The following SDHAF3 variants were observed in gnomAD, a reference collection of about 807,000 sequenced individuals.
The protein encoded by SDHAF3 is succinate dehydrogenase assembly factor 3, mitochondrial.
Under a neutral mutation model 11.5 loss-of-function variants are expected in SDHAF3, and 18 were observed. The observed-to-expected ratio is 1.56, with a 90% CI of 1.08 to 2.32. The LOEUF is 2.32. SDHAF3 is among the 30% of genes most tolerant of loss of function. The pLI, the probability that SDHAF3 is intolerant of heterozygous loss-of-function variation, is 0.00. For missense variants in SDHAF3, 200 were observed against 154.4 expected (o/e 1.30, Z -1.57); for synonymous variants, 72 against 59.3 (o/e 1.21, Z -0.99).
intron 1 of SDHAF3, among the ~76,000 whole-genome samples, chr7:97,174,899 A>G (rs943870983): frequency 2.6e-5 from 4 of 152,168 alleles, no homozygotes; most frequent in Admixed American, 2.6e-4. Flanking sequence ...GTAGTTTTTC[A>G]TAGTCTGAAT....
At chr7:97,161,880 G>A (rs1316038760) in intron 1 of SDHAF3, among the ~76,000 whole-genome samples, 1 of 152,158 alleles carries the variant, frequency 6.6e-6, no homozygotes, top group Non-Finnish European at 1.5e-5. Context: ...TGTGAATAGT[G>A]ATGCAGTAAA....
intron 1 of SDHAF3, among the ~76,000 whole-genome samples, chr7:97,160,924 T>C (rs945247016): frequency 4.6e-5 from 7 of 152,166 alleles, no homozygotes; most frequent in African/African-American, 1.7e-4. Context: ...TTCAGTTTCT[T>C]TGTCATCTCT....
At chr7:97,178,246 T>C (rs1253146123) in intron 1 of SDHAF3, among the ~76,000 whole-genome samples, 1 of 152,222 alleles carries the variant, frequency 6.6e-6, no homozygotes, top group Non-Finnish European at 1.5e-5. Context: ...CTTTTAAGGG[T>C]GATAAATATT....
At chr7:97,161,397 A>C (rs913201423) in intron 1 of SDHAF3, among the ~76,000 whole-genome samples, 2 of 152,214 alleles carry the variant, frequency 1.3e-5, no homozygotes, top group African/African-American at 2.4e-5. Flanking sequence ...GATTACACAA[A>C]GAATGATTAC....
At chr7:97,137,487 A>G (rs1469517604) in intron 1 of SDHAF3, among the ~76,000 whole-genome samples, 1 of 152,212 alleles carries the variant, frequency 6.6e-6, no homozygotes, top group Non-Finnish European at 1.5e-5. Context: ...GAAATTGTTC[A>G]AAATGTAGGC....
chr7:97,136,287 A>G (rs1367760493), intron 1 of SDHAF3: 6 of 481,494 alleles, frequency 1.2e-5, no homozygotes, highest in Non-Finnish European at 1.9e-5. Context: ...TACTAATTAA[A>G]AGAGTTCTTT....
At chr7:97,131,167 C>T (rs1383293252) in intron 1 of SDHAF3, among the ~76,000 whole-genome samples, 1 of 152,166 alleles carries the variant, frequency 6.6e-6, no homozygotes, top group East Asian at 1.9e-4. Context: ...AACTATTAAA[C>T]TTTTGTGCTG....
At chr7:97,164,240 T>G (rs1048474281) in intron 1 of SDHAF3, among the ~76,000 whole-genome samples, 1 of 151,252 alleles carries the variant, frequency 6.6e-6, no homozygotes, top group Non-Finnish European at 1.5e-5. Flanking sequence ...CCTCTTTTTT[T>G]TTTTGGAGAC....
At chr7:97,129,172 A>T (rs980567252) in intron 1 of SDHAF3, among the ~76,000 whole-genome samples, 11 of 152,208 alleles carry the variant, frequency 7.2e-5, no homozygotes, top group Non-Finnish European at 1.3e-4. Context: ...TTTATGAATA[A>T]AACAATAAGA....
intron 1 of SDHAF3, among the ~76,000 whole-genome samples, chr7:97,152,420 T>A (rs1357469786): frequency 1.3e-5 from 2 of 152,188 alleles, no homozygotes; most frequent in African/African-American, 4.8e-5. Context: ...GTTGAATCTG[T>A]CCTCTTGCAT....
At chr7:97,144,469 C>T (rs533529139) in intron 1 of SDHAF3, among the ~76,000 whole-genome samples, 4 of 152,284 alleles carry the variant, frequency 2.6e-5, no homozygotes, top group Non-Finnish European at 4.4e-5. Flanking sequence ...AGTCCTTGAT[C>T]CATCTTGAGT....
At chr7:97,173,703 C>A (rs1471982461) in intron 1 of SDHAF3, among the ~76,000 whole-genome samples, 1 of 151,800 alleles carries the variant, frequency 6.6e-6, no homozygotes, top group Non-Finnish European at 1.5e-5. Context: ...CAGGCGCCCA[C>A]CACCACGCCC....
intron 1 of SDHAF3, among the ~76,000 whole-genome samples, chr7:97,176,177 G>A (rs187703983): frequency 9.6e-4 from 146 of 152,192 alleles, no homozygotes; most frequent in African/African-American, 3.4e-3. Flanking sequence ...CAGAGATTAG[G>A]ACTTGACATA....
chr7:97,136,439 A>T (rs778658382), intron 1 of SDHAF3: 1 of 654,930 alleles, frequency 1.5e-6, no homozygotes, highest in South Asian at 1.7e-5. Context: ...TTTCTGTTTC[A>T]TGTGAAGAAT....
chr7:97,169,097 C>T (rs10281783), intron 1 of SDHAF3, among the ~76,000 whole-genome samples: 96,187 of 152,158 alleles, frequency 0.63, 30,458 homozygotes, highest in African/African-American at 0.65. Context: ...TTTGGGAGGC[C>T]GACGGATCAC....
intron 1 of SDHAF3, among the ~76,000 whole-genome samples, chr7:97,160,681 A>T (rs189523715): frequency 6.6e-5 from 10 of 152,340 alleles, no homozygotes; most frequent in Admixed American, 6.5e-4. Flanking sequence ...GGTTGTAAAT[A>T]TGTGACTGTG....
At chr7:97,152,827 C>A (rs575939377) in intron 1 of SDHAF3, among the ~76,000 whole-genome samples, 1 of 152,010 alleles carries the variant, frequency 6.6e-6, no homozygotes, top group Non-Finnish European at 1.5e-5. Context: ...TTTTTGTAGG[C>A]GTGGTGGTTT....
At chr7:97,164,924 A>G (rs1789478073) in intron 1 of SDHAF3, among the ~76,000 whole-genome samples, 1 of 152,184 alleles carries the variant, frequency 6.6e-6, no homozygotes, top group South Asian at 2.1e-4. Context: ...AGATAAACCT[A>G]TTAGGGAATA....
At chr7:97,141,076 G>C (rs1789028422) in intron 1 of SDHAF3, among the ~76,000 whole-genome samples, 1 of 152,326 alleles carries the variant, frequency 6.6e-6, no homozygotes, top group Non-Finnish European at 1.5e-5. Context: ...TACGGTCATA[G>C]CTGAGGGATG....
Sources: allele counts gnomAD v4.1 joint callset (sites outside exome capture counted in the v4.1 genomes callset), GRCh38; gene constraint gnomAD v4.1.1; transcripts MANE v1.5; gene names NCBI Gene and HGNC (gene_info 2026-07-23, HGNC 2026-07-21).